The following TM9SF3 variants were observed in gnomAD, a reference collection of about 807,000 sequenced individuals.
TM9SF3 encodes SM-11044-binding protein.
A neutral mutation model predicts 78.6 loss-of-function variants in TM9SF3; 14 were observed. The ratio of observed to expected loss-of-function variants is 0.18; its 90% CI spans 0.12 to 0.28. TM9SF3 has a LOEUF of 0.28. Among genes scored for constraint, TM9SF3 ranks in the 10% least tolerant of loss-of-function variants. The pLI is 1.00. For synonymous variants in TM9SF3, 231 were observed against 241.7 expected, an observed-to-expected ratio of 0.96 and a Z score of 0.41; for missense variants, 496 against 721.9, an observed-to-expected ratio of 0.69 and a Z score of 3.59.
chr10:96,558,645 CAAA>C (rs1202672629), intron 5 of TM9SF3, among the ~76,000 whole-genome samples: 3 of 88,172 alleles, frequency 3.4e-5, no homozygotes, highest in African/African-American at 4.1e-5. Context: ...GGCTCTGTCT[CAAA>C]AAAAAAAAAA....
At chr10:96,548,173 G>A (rs1848124115) in intron 7 of TM9SF3, among the ~76,000 whole-genome samples, 184 bp from the exon 8 acceptor site, 1 of 152,140 alleles carries the variant, frequency 6.6e-6, no homozygotes, top group South Asian at 2.1e-4. Flanking sequence ...AGTTAAAACT[G>A]CATTTACATG....
intron 3 of TM9SF3, 55 bp downstream of exon 3, chr10:96,565,249 T>C: frequency 2.1e-6 from 3 of 1,433,768 alleles, no homozygotes; most frequent in South Asian, 3.2e-5. Context: ...AGTCATTTTA[T>C]AAATTCTGAT....
intron 1 of TM9SF3, among the ~76,000 whole-genome samples, chr10:96,579,426 C>A (rs537496985): frequency 3.9e-5 from 6 of 152,204 alleles, no homozygotes; most frequent in African/African-American, 1.4e-4. Flanking sequence ...AAATAGACAA[C>A]ATTTTTGAAA....
intron 8 of TM9SF3, among the ~76,000 whole-genome samples, chr10:96,544,961 C>G (rs942689774): frequency 2.0e-5 from 3 of 151,168 alleles, no homozygotes; most frequent in Non-Finnish European, 4.4e-5. Flanking sequence ...AGAAAAAAAA[C>G]CAATGTGTTT....
chr10:96,524,986 A>G (rs2134127856), intron 14 of TM9SF3, among the ~76,000 whole-genome samples: 1 of 152,150 alleles, frequency 6.6e-6, no homozygotes, highest in East Asian at 1.9e-4. Context: ...ATGAAATTTC[A>G]GCAGGAAAAG....
At chr10:96,523,258 T>A (rs1847799914) in intron 14 of TM9SF3, among the ~76,000 whole-genome samples, 1 of 151,846 alleles carries the variant, frequency 6.6e-6, no homozygotes, top group Admixed American at 6.6e-5. Context: ...CCAATATTAT[T>A]GAAAGCTTAA....
At position 96,519,303 on chromosome 10, in the gene TM9SF3, A is replaced by T. The variant is rs1304412491; in HGVS notation, c.*2960T>A. On this transcript the variant is annotated 3_prime_UTR_variant, in exon 15 of 15. Coordinates refer to ENST00000371142, the MANE Select transcript of TM9SF3 (RefSeq NM_020123.4). ...TTATAAAGAGGTCCATCCACTCTCA[A>T]TGGAAAACACCCAAGCATACCATTC... 6.6e-6 allele frequency: 1 copy of T among 151,978 alleles called. No homozygotes were observed. Among genetic ancestry groups the T allele is most frequent in the Non-Finnish European group, 1.5e-5 (1 of 67,874 alleles). The allele number at this position is 151,978 out of a possible 1,614,324, so 9.4% of individuals were successfully genotyped here. A position where few individuals can be genotyped will look rare whatever the true frequency, so the allele number is the denominator to read the frequency against.
intron 2 of TM9SF3, among the ~76,000 whole-genome samples, chr10:96,570,138 G>A (rs1337453742): frequency 6.6e-6 from 1 of 152,196 alleles, no homozygotes; most frequent in East Asian, 1.9e-4. Flanking sequence ...AATGTCAAGA[G>A]AACAAAAGCA....
chr10:96,545,233 A>G (rs1320152927), intron 8 of TM9SF3, among the ~76,000 whole-genome samples: 1 of 152,202 alleles, frequency 6.6e-6, no homozygotes, highest in Non-Finnish European at 1.5e-5. Context: ...CTGAATCACT[A>G]TCAAAATTCA....
intron 3 of TM9SF3, among the ~76,000 whole-genome samples, chr10:96,563,310 A>G (rs533891532): frequency 1.3e-5 from 2 of 152,256 alleles, no homozygotes; most frequent in South Asian, 4.1e-4. Context: ...TCCTGGCCTT[A>G]GCTTCTCAAA....
At chr10:96,569,050 T>C (rs1352017647) in intron 2 of TM9SF3, among the ~76,000 whole-genome samples, 1 of 152,082 alleles carries the variant, frequency 6.6e-6, no homozygotes, top group Non-Finnish European at 1.5e-5. Context: ...TAGCCAGGCA[T>C]GGTGGTGTGT....
At chr10:96,580,899 TTAAGTAA>T (rs1848561118) in intron 1 of TM9SF3, among the ~76,000 whole-genome samples, 1 of 152,162 alleles carries the variant, frequency 6.6e-6, no homozygotes, top group Admixed American at 6.5e-5. Context: ...AACAGAGATG[TTAAGTAA>T]TTTGTCCAAA....
intron 3 of TM9SF3, 100 bp from the exon 4 acceptor site, chr10:96,562,238 C>A (rs1293502494): frequency 8.5e-6 from 5 of 588,564 alleles, no homozygotes; most frequent in South Asian, 2.1e-5. Flanking sequence ...TTTTTTTTTA[C>A]CTCCGCCCTC....
intron 1 of TM9SF3, 80 bp downstream of exon 1, chr10:96,586,646 CGCCGGGCA>C (rs1848634846): frequency 2.7e-6 from 3 of 1,111,886 alleles, no homozygotes; most frequent in Non-Finnish European, 2.3e-6. Context: ...ACCACCGGGC[CGCCGGGCA>C]CTCCAGGCTG....
intron 1 of TM9SF3, among the ~76,000 whole-genome samples, chr10:96,582,786 T>A (rs1470682116): frequency 6.6e-6 from 1 of 151,960 alleles, no homozygotes; most frequent in Non-Finnish European, 1.5e-5. Flanking sequence ...AATATATACA[T>A]ATATACCATA....
rs553400493 is a variant in TM9SF3, at chr10:96,564,905, G to GA, written c.421+398dup. Among the ~76,000 whole-genome samples the GA allele has an allele frequency of 1.8e-4, 27 of 151,946 alleles. 1 individual carries two copies. In the South Asian group the frequency reaches 2.1e-3, roughly 12 times the overall value. ...GCCATTCAAGAAACTATCATACCAA[G>GA]AAACCATACTACCACAGTACCAACA... On this transcript the variant is annotated intron_variant, in intron 3 of 14. Transcript: ENST00000371142.
intron 7 of TM9SF3, among the ~76,000 whole-genome samples, chr10:96,548,797 CAAA>C (rs5787196): frequency 8.6e-5 from 5 of 58,470 alleles, no homozygotes; most frequent in African/African-American, 1.8e-4. Context: ...GACTCCATCT[CAAA>C]AAAAAAAAAA....
At chr10:96,568,316 G>A (rs985551037) in intron 2 of TM9SF3, among the ~76,000 whole-genome samples, 1 of 152,178 alleles carries the variant, frequency 6.6e-6, no homozygotes, top group African/African-American at 2.4e-5. Context: ...ATAAATCAGT[G>A]CTTTAAAATT....
At chr10:96,550,487 C>G (rs1006312430) in intron 7 of TM9SF3, among the ~76,000 whole-genome samples, 1 of 152,150 alleles carries the variant, frequency 6.6e-6, no homozygotes, top group Non-Finnish European at 1.5e-5. Flanking sequence ...AGAAAAGTGT[C>G]ATTCTGAAGG....
Sources: gnomAD v4.1 joint callset for allele counts (sites outside exome capture counted in the v4.1 genomes callset) on GRCh38, gnomAD v4.1.1 for gene constraint, MANE v1.5 for transcripts, NCBI Gene and HGNC (gene_info 2026-07-23, HGNC 2026-07-21) for gene names.